The following CPQ variants were observed in gnomAD, a reference collection of about 807,000 sequenced individuals.
CPQ encodes the protein Ser-Met dipeptidase.
CPQ carries 37 observed loss-of-function variants against 45.7 expected under a neutral mutation model. That is an observed-to-expected ratio of 0.81 (90% CI 0.62 to 1.07). The LOEUF (loss-of-function observed/expected upper bound fraction) is 1.07. Ranked by LOEUF, CPQ falls within the 50% of genes least tolerant of loss-of-function variation. CPQ has a pLI of 0.00. For synonymous variants in CPQ, 186 were observed against 205.8 expected (o/e 0.90, Z 0.82); for missense variants, 537 against 572.9 (o/e 0.94, Z 0.64).
chr8:96,725,737 A>C (rs1012967046), intron 1 of CPQ, among the ~76,000 whole-genome samples: 16 of 152,334 alleles, frequency 1.1e-4, no homozygotes, highest in African/African-American at 3.8e-4. Flanking sequence ...TATTTGGTAT[A>C]TACCCAAAAG....
intron 7 of CPQ, among the ~76,000 whole-genome samples, chr8:97,098,412 G>C (rs1358955522): frequency 5.9e-5 from 9 of 152,180 alleles, no homozygotes; most frequent in African/African-American, 1.9e-4. Flanking sequence ...AAACTTCTGG[G>C]TTCTTCAGAG....
chr8:96,810,152 C>G (rs1450807240), intron 2 of CPQ, among the ~76,000 whole-genome samples: 1 of 152,188 alleles, frequency 6.6e-6, no homozygotes, highest in Non-Finnish European at 1.5e-5. Context: ...CCTGGTTTCT[C>G]CCCATCCCTT....
chr8:96,785,035 T>C lies in CPQ; in HGVS notation c.138T>C (p.Val46=). ...AAGAAATAGCCAGCTGTGGAGATGT[T>C]GCTAAAGCAATCATCAACCTAGCTG... The part of the protein sequence containing the change: ...IKEEIASCGD[V]AKAIINLAVY... Residue 46 remains valine (V), a synonymous_variant, in exon 2 of 8, where the codon GTT becomes GTC. Transcript: ENST00000220763. The C allele has an allele frequency of 6.2e-7, 1 of 1,613,886 alleles. No homozygotes were observed. Among genetic ancestry groups the C allele is most frequent in the Non-Finnish European group, 8.5e-7 (1 of 1,179,852 alleles).
chr8:96,950,173 G>C (rs1384638560), intron 4 of CPQ, among the ~76,000 whole-genome samples: 22 of 152,082 alleles, frequency 1.4e-4, no homozygotes, highest in Admixed American at 1.4e-3. Context: ...TCATCACTGA[G>C]AGAAAATAAG....
At chr8:97,120,274 C>T (rs1320182442) in intron 7 of CPQ, among the ~76,000 whole-genome samples, 1 of 152,182 alleles carries the variant, frequency 6.6e-6, no homozygotes, top group Non-Finnish European at 1.5e-5. Context: ...TTTATAGACC[C>T]TCTATACCCA....
At chr8:96,648,327 A>G (rs1056891732) in intron 1 of CPQ, among the ~76,000 whole-genome samples, 1 of 152,114 alleles carries the variant, frequency 6.6e-6, no homozygotes, top group Non-Finnish European at 1.5e-5. Flanking sequence ...TTAAAGCAAC[A>G]ATTTTTATTA....
intron 4 of CPQ, among the ~76,000 whole-genome samples, chr8:96,925,871 G>T (rs552393362): frequency 8.7e-5 from 13 of 149,368 alleles, no homozygotes; most frequent in Admixed American, 1.3e-4. Context: ...TTGTATTTTA[G>T]TAGAGATGGG....
At chr8:96,878,896 A>T (rs1326734371) in intron 3 of CPQ, among the ~76,000 whole-genome samples, 1 of 152,256 alleles carries the variant, frequency 6.6e-6, no homozygotes, top group East Asian at 1.9e-4. Context: ...TTAACAGAAG[A>T]TAGGAATAGA....
intron 1 of CPQ, among the ~76,000 whole-genome samples, chr8:96,752,855 G>A (rs1046530447): frequency 1.3e-5 from 2 of 151,954 alleles, no homozygotes; most frequent in Non-Finnish European, 2.9e-5. Flanking sequence ...GAGTGTTGAC[G>A]ATATATTTCT....
intron 1 of CPQ, among the ~76,000 whole-genome samples, chr8:96,666,196 G>A (rs1006949871): frequency 3.3e-5 from 5 of 152,266 alleles, no homozygotes; most frequent in African/African-American, 9.6e-5. Flanking sequence ...ATAAAGGCAG[G>A]AGAATATTGG....
At chr8:96,912,808 A>T (rs1369889330) in intron 4 of CPQ, among the ~76,000 whole-genome samples, 1 of 152,174 alleles carries the variant, frequency 6.6e-6, no homozygotes, top group Non-Finnish European at 1.5e-5. Flanking sequence ...ACATAGAATG[A>T]TTCCATACGC....
At chr8:96,682,250 A>T (rs556294910) in intron 1 of CPQ, among the ~76,000 whole-genome samples, 2 of 152,236 alleles carry the variant, frequency 1.3e-5, no homozygotes, top group South Asian at 4.1e-4. Context: ...ACCCAGTGGG[A>T]GGTAATTGAA....
Position 96,879,732 on chromosome 8 carries a change from T to C in CPQ, c.642-66T>C, listed in dbSNP as rs999769282. On this transcript the variant is annotated intron_variant, in intron 3 of 7. Transcript: ENST00000220763. ...TGGAAGTTAAATATCAATATACAGG[T>C]GCTTTCAAAAAAGTCTTTTGGTCTA... The C allele has an allele frequency of 2.7e-6, 3 of 1,130,904 alleles. No individual in the cohort carries two copies. The African/African-American group carries it at 4.6e-5, about 17-fold the overall frequency. The allele number at this position is 1,130,904 out of a possible 1,614,324, so 70.1% of individuals were successfully genotyped here. A position where few individuals can be genotyped will look rare whatever the true frequency, so the allele number is the denominator to read the frequency against.
intron 2 of CPQ, among the ~76,000 whole-genome samples, chr8:96,819,949 T>C (rs1399593083): frequency 6.6e-6 from 1 of 152,100 alleles, no homozygotes; most frequent in Non-Finnish European, 1.5e-5. Context: ...CTGGGCACAA[T>C]GGTTTTGGCA....
Position 96,979,157 on chromosome 8 carries a change from C to T in CPQ, c.961+13111C>T, listed in dbSNP as rs143676964. Among the ~76,000 whole-genome samples, 634 of 151,762 alleles carry T rather than the reference C, an allele frequency of 4.2e-3. 11 individuals carry two copies. The Middle Eastern group carries it at 0.069, about 17-fold the overall frequency. On this transcript the variant is annotated intron_variant, in intron 5 of 7. Transcript: ENST00000220763. ...GGGTGAGTGAGGAGGGGGTGGGAAA[C>T]GAGTAAAGTGAAGGATGAGAGTTTG...
intron 1 of CPQ, among the ~76,000 whole-genome samples, chr8:96,653,607 A>G (rs1273853715): frequency 2.0e-5 from 3 of 152,220 alleles, no homozygotes; most frequent in Non-Finnish European, 2.9e-5. Flanking sequence ...ATTAACACAT[A>G]TTTTGTATGT....
rs527300936 is a variant in CPQ, at chr8:96,698,749, A to G, written c.-35+53347A>G. On this transcript the variant is annotated intron_variant, in intron 1 of 7. Transcript: ENST00000220763. ...GCAAAGGTGCTCAACATCACTGATC[A>G]TCACAATATGCAAATAAAAACTACA... Among the ~76,000 whole-genome samples, 4 of 152,202 alleles carry G rather than the reference A, an allele frequency of 2.6e-5. 1 individual carries two copies. Among genetic ancestry groups the G allele is most frequent in the Non-Finnish European group, 5.9e-5 (4 of 68,026 alleles).
At chr8:97,013,692 T>C (rs1391161486) in intron 5 of CPQ, among the ~76,000 whole-genome samples, 1 of 152,150 alleles carries the variant, frequency 6.6e-6, no homozygotes, top group African/African-American at 2.4e-5. Context: ...GAGGCCAATT[T>C]ACATGGAAAT....
intron 1 of CPQ, among the ~76,000 whole-genome samples, chr8:96,779,405 C>G (rs2130804656): frequency 6.6e-6 from 1 of 152,154 alleles, no homozygotes; most frequent in Non-Finnish European, 1.5e-5. Flanking sequence ...CTTTGAGTTT[C>G]TATTTCGTGT....
Sources: gnomAD v4.1 joint callset for allele counts (sites outside exome capture counted in the v4.1 genomes callset) on GRCh38, gnomAD v4.1.1 for gene constraint, MANE v1.5 for transcripts, NCBI Gene and HGNC (gene_info 2026-07-23, HGNC 2026-07-21) for gene names.